Variants in SLC28A1 observed in about 807,000 individuals in gnomAD.
SLC28A1 encodes the protein solute carrier family 28 member 1, also known as sodium/nucleoside cotransporter 1.
A neutral mutation model predicts 74.8 loss-of-function variants in SLC28A1; 64 were observed. The observed-to-expected ratio is 0.86, with a 90% CI of 0.70 to 1.05. The LOEUF is 1.05. Ranked by LOEUF, SLC28A1 falls within the 50% of genes least tolerant of loss-of-function variation. The pLI is 0.00. For missense variants in SLC28A1, 828 were observed against 822.8 expected (o/e 1.01, Z -0.08); for synonymous variants, 359 against 335.0 (o/e 1.07, Z -0.78).
the SLC28A1 span, among the ~76,000 whole-genome samples, chr15:84,952,013 G>A: frequency 1.3e-4 from 20 of 152,240 alleles, no homozygotes; most frequent in African/African-American, 4.3e-4. Flanking sequence ...AGGTCCATGT[G>A]CTGTGTATAA....
At chr15:84,887,124 A>G (rs1964689335) in intron 2 of SLC28A1, among the ~76,000 whole-genome samples, 3 of 152,212 alleles carry the variant, frequency 2.0e-5, no homozygotes, top group African/African-American at 7.2e-5. Flanking sequence ...GGATCCAGGA[A>G]CTGGAATGAT....
intron 10 of SLC28A1, among the ~76,000 whole-genome samples, chr15:84,920,317 G>C (rs892095707): frequency 2.6e-5 from 4 of 152,144 alleles, no homozygotes; most frequent in African/African-American, 9.7e-5. Context: ...ATGGTGGCGA[G>C]TGCCTGTAGT....
At chr15:84,893,105 G>A (rs952084639) in intron 5 of SLC28A1, among the ~76,000 whole-genome samples, 4 of 146,974 alleles carry the variant, frequency 2.7e-5, no homozygotes, top group African/African-American at 5.1e-5. Flanking sequence ...CGACCACAAA[G>A]CACAGGCCCT....
intron 18 of SLC28A1, 120 bp from the exon 19 acceptor site, chr15:84,945,005 G>C: frequency 9.0e-7 from 1 of 1,113,114 alleles, no homozygotes; most frequent in African/African-American, 1.5e-5. Flanking sequence ...GAAGGCTCGA[G>C]GACCAATGGA....
At chr15:84,921,114 C>G in intron 11 of SLC28A1, 45 bp downstream of exon 11, 2 of 1,421,814 alleles carry the variant, frequency 1.4e-6, no homozygotes, top group Non-Finnish European at 2.0e-6. Flanking sequence ...AGCAGCTTCC[C>G]CAAAGAGGGC....
At chr15:84,906,148 T>A (rs1164962285) in intron 8 of SLC28A1, among the ~76,000 whole-genome samples, 1 of 151,756 alleles carries the variant, frequency 6.6e-6, no homozygotes, top group Non-Finnish European at 1.5e-5. Flanking sequence ...GCCTGCCCAG[T>A]AGCTGGGATT....
At chr15:84,905,798 G>A in intron 8 of SLC28A1, 146 bp downstream of exon 8, 1 of 700,846 alleles carries the variant, frequency 1.4e-6, no homozygotes, top group Non-Finnish European at 2.6e-6. Context: ...CCCAGACCAG[G>A]TGGGCAGCTG....
intron 8 of SLC28A1, 38 bp from the exon 9 acceptor site, chr15:84,908,680 C>T: frequency 6.4e-7 from 1 of 1,569,106 alleles, no homozygotes; most frequent in Non-Finnish European, 8.7e-7. Context: ...TTCCCAGCCT[C>T]ACTGCCTGTT....
At position 84,894,950 on chromosome 15, in the gene SLC28A1, C is replaced by T. The variant is rs144931395; in HGVS notation, c.288C>T (p.Ala96=). 207 of 1,614,118 alleles carry T rather than the reference C, an allele frequency of 1.3e-4. No individual in the cohort carries two copies. In the African/African-American group the frequency reaches 2.2e-3, roughly 17 times the overall value. ...GTGLLCTGLS[A]FLLVACLLDF... The stretch of plus-strand genomic sequence containing the variant: ...TGTCTCATCCCCCAGGGCTCTCTGC[C>T]TTCCTGCTGGTGGCCTGCCTCCTGG... Residue 96 remains alanine (A), a synonymous_variant, in exon 6 of 19, where the codon GCC becomes GCT. Coordinates refer to ENST00000394573, the MANE Select transcript of SLC28A1 (RefSeq NM_004213.5).
intron 8 of SLC28A1, among the ~76,000 whole-genome samples, chr15:84,908,218 C>T (rs1967552353): frequency 8.0e-6 from 1 of 125,238 alleles, no homozygotes; most frequent in Non-Finnish European, 1.6e-5. Flanking sequence ...GAGTCTCGCT[C>T]TGTTGCCCAG....
intron 6 of SLC28A1, chr15:84,895,495 C>G (rs375991676): frequency 8.0e-5 from 128 of 1,596,652 alleles, no homozygotes; most frequent in Non-Finnish European, 1.0e-4. Context: ...CAGGCTCGAT[C>G]GGGGTCCAGG....
chr15:84,953,061 G>T, the SLC28A1 span, among the ~76,000 whole-genome samples: 1 of 152,134 alleles, frequency 6.6e-6, no homozygotes. Context: ...AGACAAATAA[G>T]CTCCATCAAA....
the SLC28A1 span, among the ~76,000 whole-genome samples, chr15:84,956,740 A>G: frequency 6.6e-6 from 1 of 151,278 alleles, no homozygotes; most frequent in Non-Finnish European, 1.5e-5. Context: ...TCTGAGCTCA[A>G]GCAATTTTCC....
chr15:84,952,852 C>A, the SLC28A1 span, among the ~76,000 whole-genome samples: 1 of 151,948 alleles, frequency 6.6e-6, no homozygotes, highest in South Asian at 2.1e-4. Context: ...GAGTGAGACC[C>A]CGTCTCAAAA....
chr15:84,970,214 C>T, the SLC28A1 span, among the ~76,000 whole-genome samples: 1 of 152,212 alleles, frequency 6.6e-6, no homozygotes, highest in Non-Finnish European at 1.5e-5. Context: ...CTCACCCAGT[C>T]ATTCCAGAGG....
At chr15:84,927,181 A>G (rs1458878212) in intron 12 of SLC28A1, among the ~76,000 whole-genome samples, 1 of 151,904 alleles carries the variant, frequency 6.6e-6, no homozygotes, top group Non-Finnish European at 1.5e-5. Context: ...CACCCACCCC[A>G]CCACCAATTG....
chr15:84,923,029 C>T (rs1970029551), intron 11 of SLC28A1, among the ~76,000 whole-genome samples: 1 of 152,228 alleles, frequency 6.6e-6, no homozygotes, highest in Non-Finnish European at 1.5e-5. Flanking sequence ...CCTCCGCCTC[C>T]CGGGTTCAAG....
chr15:84,944,224 A>T (rs1973050290), intron 16 of SLC28A1, among the ~76,000 whole-genome samples: 1 of 152,224 alleles, frequency 6.6e-6, no homozygotes, highest in Non-Finnish European at 1.5e-5. Flanking sequence ...TTTTACAAAG[A>T]AGGAAACTGA....
At chr15:84,890,409 A>G in intron 4 of SLC28A1, 34 bp from the exon 5 acceptor site, 1 of 1,508,988 alleles carries the variant, frequency 6.6e-7, no homozygotes, top group South Asian at 1.2e-5. Context: ...GGGTCTGCTC[A>G]TGCACTCATG....
Sources: gnomAD v4.1 joint callset for allele counts (sites outside exome capture counted in the v4.1 genomes callset) on GRCh38, gnomAD v4.1.1 for gene constraint, MANE v1.5 for transcripts, NCBI Gene and HGNC (gene_info 2026-07-23, HGNC 2026-07-21) for gene names.